The following INPP4B variants were observed in gnomAD, a reference collection of about 807,000 sequenced individuals.
The protein encoded by INPP4B is inositol polyphosphate-4-phosphatase type II B, also known as inositol polyphosphate 4-phosphatase type II.
A neutral mutation model predicts 122.5 loss-of-function variants in INPP4B; 55 were observed. The observed-to-expected ratio is 0.45, with a 90% CI of 0.36 to 0.56. INPP4B has a LOEUF of 0.56. Ranked by LOEUF, INPP4B falls within the 20% of genes least tolerant of loss-of-function variation. The pLI is 0.00. For missense variants in INPP4B, 1,000 were observed against 1,097.7 expected, an observed-to-expected ratio of 0.91 and a Z score of 1.26; for synonymous variants, 403 against 388.7, an observed-to-expected ratio of 1.04 and a Z score of -0.43.
intron 11 of INPP4B, among the ~76,000 whole-genome samples, chr4:142,258,897 A>G (rs1285000392): frequency 6.6e-6 from 1 of 152,186 alleles, no homozygotes; most frequent in Non-Finnish European, 1.5e-5. Context: ...ATAAAGACAC[A>G]TGCACACATA....
At position 142,437,992 on chromosome 4, in the gene INPP4B, T is replaced by C. The variant is rs186845339; in HGVS notation, c.-126-6607A>G. 4.4e-3 allele frequency among the ~76,000 whole-genome samples: 674 copies of C among 151,980 alleles called. 1 individual carries two copies. The highest frequency in any genetic ancestry group is 7.9e-3 in the Non-Finnish European group (538 of 67,916). The stretch of plus-strand genomic sequence containing the variant: ...TTCCTTCTCAAGCTATTTTAAACAA[T>C]TGAAAAAAGAAGGATCTCTTTAAGG... On this transcript the variant is annotated intron_variant, in intron 3 of 25. Transcript: ENST00000262992.
intron 1 of INPP4B, among the ~76,000 whole-genome samples, chr4:142,729,720 A>G (rs1413032405): frequency 1.3e-5 from 2 of 152,076 alleles, no homozygotes; most frequent in African/African-American, 4.8e-5. Context: ...ATACTGTCTC[A>G]CTTTGTTACT....
intron 1 of INPP4B, among the ~76,000 whole-genome samples, chr4:142,843,360 G>A (rs6831204): frequency 0.46 from 70,396 of 151,602 alleles, 18,905 homozygotes; most frequent in African/African-American, 0.75. Flanking sequence ...AAGGTTTCTA[G>A]CTCAACATTT....
At chr4:142,645,268 T>C (rs1469795765) in intron 2 of INPP4B, among the ~76,000 whole-genome samples, 1 of 152,216 alleles carries the variant, frequency 6.6e-6, no homozygotes, top group Non-Finnish European at 1.5e-5. Context: ...AGCAGTCATA[T>C]GATTTGACCA....
intron 14 of INPP4B, among the ~76,000 whole-genome samples, chr4:142,205,730 C>A (rs1406807792): frequency 6.6e-6 from 1 of 152,156 alleles, no homozygotes; most frequent in Non-Finnish European, 1.5e-5. Flanking sequence ...CTGTTACACT[C>A]TAAAATAATA....
At chr4:142,808,408 C>G (rs1779113635) in intron 1 of INPP4B, among the ~76,000 whole-genome samples, 1 of 152,080 alleles carries the variant, frequency 6.6e-6, no homozygotes, top group South Asian at 2.1e-4. Flanking sequence ...TTTATAATAC[C>G]TGTTTCAAGA....
chr4:142,061,885 CATATATATATATATATATATATAT>C (rs66485353), intron 25 of INPP4B, among the ~76,000 whole-genome samples: 16 of 139,336 alleles, frequency 1.1e-4, no homozygotes, highest in South Asian at 2.2e-4. Context: ...CACACACACA[CATATATATATATATATATATATAT>C]ATATATATAT....
chr4:142,632,547 G>A (rs1435617875), intron 2 of INPP4B, among the ~76,000 whole-genome samples: 3 of 151,814 alleles, frequency 2.0e-5, no homozygotes, highest in Non-Finnish European at 4.4e-5. Flanking sequence ...GGTAACTATA[G>A]TTTACAATAA....
rs141031060 is a variant in INPP4B at position 142,473,683 on chromosome 4, C to A, written c.-190-10957G>T. Among the ~76,000 whole-genome samples, 679 of 152,332 alleles carry A rather than the reference C, an allele frequency of 4.5e-3. 3 individuals carry two copies. Among genetic ancestry groups the A allele is most frequent in the Non-Finnish European group, 7.5e-3 (510 of 68,038 alleles). Reference sequence around the variant, plus strand: ...ACAAGGTCCCATGTTAGGTTCTAGTCCAGCGGTCCCACTTCTGCCATAACT... The same window carrying A: ...ACAAGGTCCCATGTTAGGTTCTAGTACAGCGGTCCCACTTCTGCCATAACT... On this transcript the variant is annotated intron_variant, in intron 2 of 25. Transcript: ENST00000262992.
intron 25 of INPP4B, among the ~76,000 whole-genome samples, chr4:142,054,043 C>T (rs1756139754): frequency 7.4e-6 from 1 of 134,464 alleles, no homozygotes; most frequent in African/African-American, 2.8e-5. Context: ...AATCGACCCT[C>T]ACCTTCATGT....
chr4:142,617,373 A>G (rs988100085), intron 2 of INPP4B, among the ~76,000 whole-genome samples: 1 of 152,132 alleles, frequency 6.6e-6, no homozygotes, highest in Non-Finnish European at 1.5e-5. Flanking sequence ...GCTGATCTGC[A>G]CCCACCTTCC....
intron 2 of INPP4B, among the ~76,000 whole-genome samples, chr4:142,541,690 C>T (rs1017657611): frequency 2.6e-5 from 4 of 152,176 alleles, no homozygotes; most frequent in Admixed American, 2.6e-4. Context: ...CAGACTTTTT[C>T]TTCTTGGTTC....
rs900559084 is a variant in INPP4B, at chr4:142,772,627, A to G, written c.-253-46726T>C. ...AAACGAATAAACACAACACAAACCC[A>G]ACAGTAAAAGAGCCTAAGGTCTACA... On this transcript the variant is annotated intron_variant, in intron 1 of 25. Transcript: ENST00000262992. Among the ~76,000 whole-genome samples the G allele has an allele frequency of 6.6e-5, 10 of 152,196 alleles. No homozygotes were observed. In the East Asian group the frequency reaches 1.9e-3, roughly 29 times the overall value.
In INPP4B at chr4:142,152,066, C is replaced by CTTTTTTTTTTTTTTTTTTTTTTTTTTTTT. The variant is rs572092121; in HGVS notation, c.1564-6071_1564-6070insAAAAAAAAAAAAAAAAAAAAAAAAAAAAA. ...TGCCTAACATGCTTTTTTGTCTTTT[C>CTTTTTTTTTTTTTTTTTTTTTTTTTTTTT]TTTTTTTTTTTTTTTTTTTTTTTTT... On this transcript the variant is annotated intron_variant, in intron 17 of 25. Transcript: ENST00000262992. Among the ~76,000 whole-genome samples, 19 of 69,918 alleles carry CTTTTTTTTTTTTTTTTTTTTTTTTTTTTT rather than the reference C, an allele frequency of 2.7e-4. 1 individual carries two copies. Among genetic ancestry groups the CTTTTTTTTTTTTTTTTTTTTTTTTTTTTT allele is most frequent in the African/African-American group, 1.1e-3 (19 of 17,962 alleles). The allele number at this position is 69,918 out of a possible 152,430, so 45.9% of individuals were successfully genotyped here. A position where few individuals can be genotyped will look rare whatever the true frequency, so the allele number is the denominator to read the frequency against.
intron 14 of INPP4B, among the ~76,000 whole-genome samples, chr4:142,198,316 C>CAA (rs1465790902): frequency 1.3e-5 from 2 of 151,912 alleles, no homozygotes; most frequent in African/African-American, 4.8e-5. Flanking sequence ...TCTTATTTAT[C>CAA]AAACATACAG....
intron 1 of INPP4B, among the ~76,000 whole-genome samples, chr4:142,827,595 A>G (rs1386582717): frequency 1.3e-5 from 2 of 152,210 alleles, no homozygotes; most frequent in Non-Finnish European, 2.9e-5. Context: ...AACATTGTCT[A>G]TAGCATGAAG....
At chr4:142,532,223 T>G (rs748203070) in intron 2 of INPP4B, among the ~76,000 whole-genome samples, 1 of 152,218 alleles carries the variant, frequency 6.6e-6, no homozygotes, top group Non-Finnish European at 1.5e-5. Flanking sequence ...GGCCTGCATA[T>G]GCCTGCAGTT....
chr4:142,152,224 A>AATG lies in INPP4B; in HGVS notation c.1564-6229_1564-6228insCAT, dbSNP rs1561302180. On this transcript the variant is annotated intron_variant, in intron 17 of 25. Coordinates refer to ENST00000262992, the MANE Select transcript of INPP4B (RefSeq NM_001101669.3). ...GGAGTAGCTGGGACTACAGGCGCCCACCACCACACCCGGCTAATTTTTTTG... is the reference window on the plus strand; with the variant it reads ...GGAGTAGCTGGGACTACAGGCGCCCAATGCCACCACACCCGGCTAATTTTTTTG... 8.0e-5 allele frequency among the ~76,000 whole-genome samples: 12 copies of AATG among 150,494 alleles called. No homozygotes were observed. The Middle Eastern group carries it at 0.021, about 259-fold the overall frequency.
At chr4:142,626,495 G>T in intron 2 of INPP4B, among the ~76,000 whole-genome samples, 1 of 151,966 alleles carries the variant, frequency 6.6e-6, no homozygotes, top group East Asian at 1.9e-4. Flanking sequence ...AAAAGCAGGG[G>T]TCTCAGTTCT....
Sources: allele counts gnomAD v4.1 joint callset (sites outside exome capture counted in the v4.1 genomes callset), GRCh38; gene constraint gnomAD v4.1.1; transcripts MANE v1.5; gene names NCBI Gene and HGNC (gene_info 2026-07-23, HGNC 2026-07-21).